The following PTPRG variants were observed in gnomAD, a reference collection of about 807,000 sequenced individuals.
PTPRG encodes the protein protein tyrosine phosphatase receptor type G, also known as receptor-type tyrosine-protein phosphatase gamma.
PTPRG carries 102 observed loss-of-function variants against 165.3 expected under a neutral mutation model. The ratio of observed to expected loss-of-function variants is 0.62; its 90% confidence interval spans 0.53 to 0.73. The LOEUF (loss-of-function observed/expected upper bound fraction) is 0.73. Among genes scored for constraint, PTPRG ranks in the 30% least tolerant of loss-of-function variants. PTPRG has a pLI of 0.00. For synonymous variants in PTPRG, 675 were observed against 669.5 expected, an observed-to-expected ratio of 1.01 and a Z score of -0.13; for missense variants, 1,866 against 1,861.4, an observed-to-expected ratio of 1.00 and a Z score of -0.05.
At chr3:61,732,509 G>A (rs1230754575) in intron 1 of PTPRG, among the ~76,000 whole-genome samples, 2 of 148,692 alleles carry the variant, frequency 1.3e-5, no homozygotes, top group African/African-American at 5.1e-5. Context: ...CCCGGGAGGC[G>A]GAGCTTGCAC....
chr3:61,740,673 C>G (rs565665980), intron 1 of PTPRG, among the ~76,000 whole-genome samples: 1 of 151,954 alleles, frequency 6.6e-6, no homozygotes, highest in African/African-American at 2.4e-5. Flanking sequence ...TTGTTTTTCC[C>G]TCTAGGATAC....
chr3:62,222,667 C>A lies in PTPRG; in HGVS notation c.2288+3684C>A, dbSNP rs908310260. ...AAGGGATGGCTTTCCAAAGGACCAT[C>A]AAGACCTAAAAAAGTGAGTAGAAGG... On this transcript the variant is annotated intron_variant, in intron 13 of 29. Transcript: ENST00000474889. The surrounding 1 kb of genome is among the most constrained non-coding windows in gnomAD (Gnocchi z 4.5). Among the ~76,000 whole-genome samples, 11 of 152,260 alleles carry A rather than the reference C, an allele frequency of 7.2e-5. No homozygotes were observed. The highest frequency in any genetic ancestry group is 2.4e-4 in the African/African-American group (10 of 41,556).
intron 23 of PTPRG, among the ~76,000 whole-genome samples, chr3:62,275,291 C>T (rs773974582): frequency 1.3e-5 from 2 of 152,090 alleles, no homozygotes; most frequent in African/African-American, 2.4e-5. Flanking sequence ...TTGATTAGCT[C>T]GTAATCAATA....
At chr3:61,927,560 G>A (rs903391895) in intron 2 of PTPRG, among the ~76,000 whole-genome samples, 3 of 152,166 alleles carry the variant, frequency 2.0e-5, no homozygotes, top group Non-Finnish European at 2.9e-5. Context: ...CCATTTATGC[G>A]GACTTGCTGG....
In PTPRG at chr3:61,871,208, ATGTTATGTTATGTTATGTT is replaced by A. The variant is rs1559660300; in HGVS notation, c.191-118416_191-118398del. Among the ~76,000 whole-genome samples the A allele has an allele frequency of 2.7e-5, 4 of 146,960 alleles. No individual in the cohort carries two copies. The East Asian group carries it at 8.3e-4, about 31-fold the overall frequency. ...ATGTTATGTTATGTTATGTTATGTTATGTTATGTTATGTTATGTTATGTTAATGTTATATTTTAAGACAG... is the reference window on the plus strand; with the variant it reads ...ATGTTATGTTATGTTATGTTATGTTAATGTTAATGTTATATTTTAAGACAG... On this transcript the variant is annotated intron_variant, in intron 2 of 29. Transcript: ENST00000474889.
chr3:61,675,114 T>C (rs1338373609), intron 1 of PTPRG, among the ~76,000 whole-genome samples: 1 of 152,234 alleles, frequency 6.6e-6, no homozygotes, highest in Non-Finnish European at 1.5e-5. Flanking sequence ...TACCATTTTT[T>C]GAATAACAAT....
chr3:61,762,896 C>T (rs1337657860), intron 2 of PTPRG, among the ~76,000 whole-genome samples: 3 of 152,112 alleles, frequency 2.0e-5, no homozygotes, highest in African/African-American at 7.2e-5. Flanking sequence ...AGTGGGTAGG[C>T]TTGGTCCTTA....
At chr3:61,629,117 C>T (rs546200610) in intron 1 of PTPRG, among the ~76,000 whole-genome samples, 62 of 152,266 alleles carry the variant, frequency 4.1e-4, no homozygotes, top group African/African-American at 1.5e-3. Flanking sequence ...AAGCAGTTCA[C>T]TCGGGGCACC....
rs144585770 is a variant in PTPRG, at chr3:62,022,025, T to C, written c.519+18528T>C. 5.8e-3 allele frequency among the ~76,000 whole-genome samples: 885 copies of C among 152,266 alleles called. 5 individuals carry two copies. Among genetic ancestry groups the C allele is most frequent in the African/African-American group, 0.02 (825 of 41,554 alleles). ...TACTTTCCAATGTAGAGAATACATA[T>C]ATATGTATACAATTTACGTTAAATT... On this transcript the variant is annotated intron_variant, in intron 4 of 29. Transcript: ENST00000474889.
In PTPRG at chr3:61,736,243, C is replaced by T. The variant is rs918279238; in HGVS notation, c.86-12635C>T. ...TTTTTAATTTTTTAATCATCACTGACATAAGGTTCCTCTGAAATCCATAGT... is the reference window on the plus strand; with the variant it reads ...TTTTTAATTTTTTAATCATCACTGATATAAGGTTCCTCTGAAATCCATAGT... On this transcript the variant is annotated intron_variant, in intron 1 of 29. Transcript: ENST00000474889. Among the ~76,000 whole-genome samples, 5 of 151,064 alleles carry T rather than the reference C, an allele frequency of 3.3e-5. No homozygotes were observed. In the East Asian group the frequency reaches 9.8e-4, roughly 30 times the overall value.
At chr3:61,803,235 G>A (rs67626913) in intron 2 of PTPRG, among the ~76,000 whole-genome samples, 11,861 of 152,126 alleles carry the variant, frequency 0.078, 570 homozygotes, top group East Asian at 0.2. Flanking sequence ...AGAAAAAGGT[G>A]AAATTAAATT....
intron 8 of PTPRG, 24 bp downstream of exon 8, chr3:62,168,187 C>A: frequency 1.3e-6 from 2 of 1,565,044 alleles, no homozygotes; most frequent in South Asian, 1.2e-5. Context: ...AAGTGCCTTG[C>A]CCAGAGGAAG....
chr3:61,607,557 CT>C (rs564081343), intron 1 of PTPRG, among the ~76,000 whole-genome samples: 1 of 152,078 alleles, frequency 6.6e-6, no homozygotes, highest in East Asian at 1.9e-4. Context: ...TTAAACCTTA[CT>C]TTTTTTTGGT....
intron 2 of PTPRG, among the ~76,000 whole-genome samples, chr3:61,796,250 C>T (rs1373241820): frequency 6.6e-6 from 1 of 152,200 alleles, no homozygotes; most frequent in Admixed American, 6.5e-5. Flanking sequence ...AGTCCACACG[C>T]AGATAACTCG....
At chr3:61,979,998 C>G (rs2040602273) in intron 2 of PTPRG, among the ~76,000 whole-genome samples, 1 of 152,034 alleles carries the variant, frequency 6.6e-6, no homozygotes, top group Non-Finnish European at 1.5e-5. Context: ...CTCCTAAACA[C>G]CAAACTCCCA....
chr3:62,256,009 C>A (rs1218605036), intron 16 of PTPRG, among the ~76,000 whole-genome samples: 1 of 152,174 alleles, frequency 6.6e-6, no homozygotes, highest in Non-Finnish European at 1.5e-5. Context: ...AACTAAGGCA[C>A]ATCTCTGGCA....
intron 14 of PTPRG, 155 bp from the exon 15 acceptor site, chr3:62,243,652 A>T: frequency 2.0e-6 from 1 of 499,242 alleles, no homozygotes; most frequent in Non-Finnish European, 3.5e-6. Flanking sequence ...CAACAGGCTG[A>T]ATGTTGTCCT....
intron 4 of PTPRG, among the ~76,000 whole-genome samples, chr3:62,006,110 A>G (rs1197569467): frequency 6.6e-6 from 1 of 152,142 alleles, no homozygotes; most frequent in Non-Finnish European, 1.5e-5. Flanking sequence ...GGCAGCCACC[A>G]TGCCCAGGCT....
chr3:61,635,600 G>T (rs1701887903), intron 1 of PTPRG, among the ~76,000 whole-genome samples: 1 of 151,786 alleles, frequency 6.6e-6, no homozygotes, highest in Non-Finnish European at 1.5e-5. Flanking sequence ...TCAAGCTTTG[G>T]CCTCCCAAAG....
Sources: gnomAD v4.1 joint callset for allele counts (sites outside exome capture counted in the v4.1 genomes callset) on GRCh38, gnomAD v4.1.1 for gene constraint, Gnocchi (gnomAD v3.1) non-coding constraint, MANE v1.5 for transcripts, NCBI Gene and HGNC (gene_info 2026-07-23, HGNC 2026-07-21) for gene names.